SMAD2: variants seen among roughly 807,000 people sequenced by gnomAD.
SMAD2 encodes the protein SMAD family member 2.
In SMAD2, 8 loss-of-function variants were observed where a neutral mutation model predicts 64.4. The observed-to-expected ratio is 0.12, with a 90% CI of 0.07 to 0.22. The LOEUF is 0.22. Among genes scored for constraint, SMAD2 ranks in the 10% least tolerant of loss-of-function variants. The pLI is 1.00. For missense variants in SMAD2, 289 were observed against 561.2 expected (o/e 0.51, Z 4.90); for synonymous variants, 203 against 195.8 (o/e 1.04, Z -0.31).
At chr18:47,880,824 TG>T (rs138666131) in intron 2 of SMAD2, among the ~76,000 whole-genome samples, 3,245 of 152,320 alleles carry the variant, frequency 0.021, 63 homozygotes, top group African/African-American at 0.05. Flanking sequence ...AACTCTGTCC[TG>T]GAGCAATTCA....
chr18:47,929,416 A>G (rs1568125905), intron 1 of SMAD2, among the ~76,000 whole-genome samples: 1 of 152,256 alleles, frequency 6.6e-6, no homozygotes. Context: ...TCACATTTCA[A>G]AGACCATTTC....
intron 2 of SMAD2, among the ~76,000 whole-genome samples, chr18:47,878,023 T>A (rs2032367711): frequency 6.6e-6 from 1 of 152,168 alleles, no homozygotes; most frequent in Non-Finnish European, 1.5e-5. Flanking sequence ...TTTTATCTTG[T>A]AGCAATGAAA....
rs1460822770 is a variant in SMAD2, at chr18:47,928,361, C to T, written c.-54+2000G>A. 2.0e-5 allele frequency among the ~76,000 whole-genome samples: 3 copies of T among 152,028 alleles called. No individual in the cohort carries two copies. The South Asian group carries it at 6.2e-4, about 31-fold the overall frequency. ...TGGCCAGCGGTTTACACAGCTAAAC[C>T]GAGTTTTTCCATTGACATATATTCC... On this transcript the variant is annotated intron_variant, in intron 1 of 10. Coordinates refer to ENST00000262160, the MANE Select transcript of SMAD2 (RefSeq NM_005901.6).
Position 47,824,548 on chromosome 18 carries a change from T to C in SMAD2, c.*17279A>G, listed in dbSNP as rs979234789. On this transcript the variant is annotated 3_prime_UTR_variant, in exon 11 of 11. Coordinates refer to ENST00000262160, the MANE Select transcript of SMAD2 (RefSeq NM_005901.6). ...TGCATATTGCCTTCACAATGCCCTA[T>C]TCCCAAATAAACATCATTTTCTTTT... 6.6e-6 allele frequency: 1 copy of C among 152,210 alleles called. No individual in the cohort carries two copies. The highest frequency in any genetic ancestry group is 6.5e-5 in the Admixed American group (1 of 15,278). 9.4% of individuals were successfully genotyped at this position (152,210 alleles called of 1,614,324 possible).
intron 6 of SMAD2, among the ~76,000 whole-genome samples, chr18:47,859,142 T>C (rs937518868): frequency 3.9e-5 from 6 of 152,130 alleles, no homozygotes; most frequent in South Asian, 2.1e-4. Context: ...ATTTGGAAGA[T>C]GTATAATTCC....
At position 47,850,769 on chromosome 18, in the gene SMAD2, C is replaced by T. The variant is rs55712518; in HGVS notation, c.784+505G>A. ...TTATATATTATATATATATTATATACATTATGTATAATATATATTATATAT... is the reference window on the plus strand; with the variant it reads ...TTATATATTATATATATATTATATATATTATGTATAATATATATTATATAT... On this transcript the variant is annotated intron_variant, in intron 7 of 10. Coordinates refer to ENST00000262160, the MANE Select transcript of SMAD2 (RefSeq NM_005901.6). Among the ~76,000 whole-genome samples, 128 of 23,522 alleles carry T rather than the reference C, an allele frequency of 5.4e-3. 9 individuals carry two copies. Among genetic ancestry groups the T allele is most frequent in the Admixed American group, 0.018 (19 of 1,052 alleles). 15.4% of individuals were successfully genotyped at this position (23,522 alleles called of 152,430 possible).
chr18:47,880,763 G>GT (rs1167312117), intron 2 of SMAD2, among the ~76,000 whole-genome samples: 5 of 152,152 alleles, frequency 3.3e-5, no homozygotes. Context: ...TCTTCCAAAA[G>GT]TCTTCATTTT....
chr18:47,852,375 T>G (rs887153630), intron 6 of SMAD2, among the ~76,000 whole-genome samples: 4 of 152,190 alleles, frequency 2.6e-5, no homozygotes, highest in Non-Finnish European at 4.4e-5. Flanking sequence ...TCTTGACTTT[T>G]AGGGTAATGT....
At chr18:47,916,530 G>A (rs935021029) in intron 1 of SMAD2, among the ~76,000 whole-genome samples, 4 of 152,064 alleles carry the variant, frequency 2.6e-5, no homozygotes, top group Middle Eastern at 3.4e-3. Context: ...TCAGCCACCT[G>A]ATTAGCTGGG....
rs945336641 is a variant in SMAD2, at chr18:47,825,231, C to G, written c.*16596G>C. On this transcript the variant is annotated 3_prime_UTR_variant, in exon 11 of 11. Coordinates refer to ENST00000262160, the MANE Select transcript of SMAD2 (RefSeq NM_005901.6). ...TGAACATTTGGGTAGAAATACTGAG[C>G]ACTGCTATGGTCTGTCTCCCAAACT... The G allele has an allele frequency of 2.0e-5, 3 of 152,192 alleles. No individual in the cohort carries two copies. Among genetic ancestry groups the G allele is most frequent in the Non-Finnish European group, 2.9e-5 (2 of 68,044 alleles). The allele number at this position is 152,192 out of a possible 1,614,324, so 9.4% of individuals were successfully genotyped here. A position where few individuals can be genotyped will look rare whatever the true frequency, so the allele number is the denominator to read the frequency against.
chr18:47,879,495 CGTGTGTGTGTGT>C (rs58440360), intron 2 of SMAD2, among the ~76,000 whole-genome samples: 5 of 141,340 alleles, frequency 3.5e-5, no homozygotes, highest in Non-Finnish European at 6.1e-5. Flanking sequence ...ATGTATATGA[CGTGTGTGTGTGT>C]GTGTGTGTGT....
chr18:47,863,173 T>C (rs543970696), intron 6 of SMAD2, among the ~76,000 whole-genome samples: 3 of 152,312 alleles, frequency 2.0e-5, no homozygotes, highest in South Asian at 2.1e-4. Flanking sequence ...GTGGCCAACT[T>C]TGTTCTAAAT....
chr18:47,924,879 A>T (rs1950322799), intron 1 of SMAD2, among the ~76,000 whole-genome samples: 1 of 152,250 alleles, frequency 6.6e-6, no homozygotes, highest in Admixed American at 6.5e-5. Context: ...GAAGCAGCAT[A>T]TGAAAATGTA....
chr18:47,906,917 C>A (rs756932615), intron 1 of SMAD2, among the ~76,000 whole-genome samples: 1 of 152,082 alleles, frequency 6.6e-6, no homozygotes. Context: ...ATTTAAAGCC[C>A]ACCCAGATAA....
At chr18:47,859,771 A>G (rs748419650) in intron 6 of SMAD2, among the ~76,000 whole-genome samples, 3 of 152,196 alleles carry the variant, frequency 2.0e-5, no homozygotes, top group Non-Finnish European at 2.9e-5. Context: ...AATACAAACA[A>G]AACAGAAAAG....
At chr18:47,885,128 C>CATAT (rs750211705) in intron 2 of SMAD2, among the ~76,000 whole-genome samples, 16 of 67,118 alleles carry the variant, frequency 2.4e-4, no homozygotes, top group African/African-American at 1.1e-3. Context: ...TAGATTTAGT[C>CATAT]ATATACACAC....
chr18:47,845,825 A>C (rs2144291306), intron 8 of SMAD2, 25 bp from the exon 9 acceptor site: 1 of 1,607,710 alleles, frequency 6.2e-7, no homozygotes, highest in Non-Finnish European at 8.5e-7. Context: ...AAATGAGATT[A>C]GTTTTGTAAC....
At chr18:47,854,229 T>C (rs971491774) in intron 6 of SMAD2, among the ~76,000 whole-genome samples, 1 of 152,190 alleles carries the variant, frequency 6.6e-6, no homozygotes. Flanking sequence ...CAGTGTGAAT[T>C]AGCAGTGTCT....
chr18:47,927,992 C>T (rs1459806990), intron 1 of SMAD2, among the ~76,000 whole-genome samples: 1 of 152,172 alleles, frequency 6.6e-6, no homozygotes, highest in African/African-American at 2.4e-5. Flanking sequence ...TTCTGACATA[C>T]CTTTGGAATA....
Sources: allele counts gnomAD v4.1 joint callset (sites outside exome capture counted in the v4.1 genomes callset), GRCh38; gene constraint gnomAD v4.1.1; transcripts MANE v1.5; gene names NCBI Gene and HGNC (gene_info 2026-07-23, HGNC 2026-07-21).